Variants in ANXA7 observed in about 807,000 individuals in gnomAD.
ANXA7 encodes the protein annexin VII.
Under a neutral mutation model 64.9 loss-of-function variants are expected in ANXA7, and 55 were observed. The observed-to-expected ratio is 0.85, with a 90% CI of 0.68 to 1.06. The LOEUF (loss-of-function observed/expected upper bound fraction) is 1.06. Ranked by LOEUF, ANXA7 falls within the 50% of genes least tolerant of loss-of-function variation. ANXA7 has a pLI of 0.00. For synonymous variants in ANXA7, 200 were observed against 192.4 expected (o/e 1.04, Z -0.33); for missense variants, 548 against 582.1 (o/e 0.94, Z 0.60).
chr10:73,378,871 A>G lies in ANXA7; in HGVS notation c.1278+40T>C, dbSNP rs149475037. 4.6e-5 allele frequency: 68 copies of G among 1,470,130 alleles called. No individual in the cohort carries two copies. The African/African-American group carries it at 8.5e-4, about 18-fold the overall frequency. 91.1% of individuals were successfully genotyped at this position (1,470,130 alleles called of 1,614,324 possible). Reference sequence around the variant, plus strand: ...AACTTTTAAGAAATCAACATTGAACATCAAGTAAGACCCGACAAAAAGAGA... The same window carrying G: ...AACTTTTAAGAAATCAACATTGAACGTCAAGTAAGACCCGACAAAAAGAGA... On this transcript the variant is annotated intron_variant, in intron 12 of 12. Transcript: ENST00000372921.
intron 9 of ANXA7, chr10:73,381,318 T>C (rs2055271482): frequency 1.3e-5 from 2 of 152,204 alleles, no homozygotes; most frequent in Admixed American, 1.3e-4. Context: ...CTGTGCCTAT[T>C]TGTATACCAC....
intron 7 of ANXA7, among the ~76,000 whole-genome samples, chr10:73,385,637 T>C (rs1836996996): frequency 1.3e-5 from 2 of 152,198 alleles, no homozygotes; most frequent in Non-Finnish European, 1.5e-5. Flanking sequence ...ATTAGATTGT[T>C]AGTTTTAATT....
Position 73,413,148 on chromosome 10 carries a change from C to T in ANXA7, c.-2+864G>A, listed in dbSNP as rs535906793. ...CTGCACGGACAGGTAGGTAGCCAAC[C>T]ACCAGTGAGGACTGAAAGACAGTCC... On this transcript the variant is annotated intron_variant, in intron 1 of 12. Transcript: ENST00000372921. Among the ~76,000 whole-genome samples, 30 of 152,210 alleles carry T rather than the reference C, an allele frequency of 2.0e-4. No homozygotes were observed. The South Asian group carries it at 6.2e-3, about 32-fold the overall frequency.
chr10:73,385,331 T>C (rs1343282197), intron 7 of ANXA7, among the ~76,000 whole-genome samples: 1 of 152,152 alleles, frequency 6.6e-6, no homozygotes, highest in Non-Finnish European at 1.5e-5. Context: ...ACAAAGAAGC[T>C]ATAGATGAAA....
chr10:73,401,003 T>A (rs763508555), intron 1 of ANXA7, 146 bp from the exon 2 acceptor site: 7 of 477,028 alleles, frequency 1.5e-5, no homozygotes, highest in Non-Finnish European at 2.6e-5. Context: ...GCCTCCGGGT[T>A]CAAGCGATTC....
chr10:73,378,918 C>A lies in ANXA7; in HGVS notation c.1271G>T (p.Arg424Leu). 1.9e-6 allele frequency: 3 copies of A among 1,612,386 alleles called. No homozygotes were observed. Among genetic ancestry groups the A allele is most frequent in the African/African-American group, 1.3e-5 (1 of 74,976 alleles). The change falls in exon 12 of 13, where the codon CGA becomes CTA. Residue 424 changes from arginine to leucine, a missense_variant. By Grantham distance (102) the Arg-to-Leu change is moderately radical. Coordinates refer to ENST00000372921, the MANE Select transcript of ANXA7 (RefSeq NM_001156.5). ...DSTLVRIVVT[R>L]SEIDLVQIKQ... The stretch of plus-strand genomic sequence containing the variant: ...GAGAGAGGCCTGCCTCACCTCACTT[C>A]GAGTGACCACAATCCGGACCAGGGT...
chr10:73,403,195 A>G (rs1475732529), intron 1 of ANXA7, among the ~76,000 whole-genome samples: 1 of 152,170 alleles, frequency 6.6e-6, no homozygotes, highest in Non-Finnish European at 1.5e-5. Context: ...CTTTTTAAAA[A>G]CAACAACATA....
chr10:73,412,337 G>T (rs1422448017), intron 1 of ANXA7, among the ~76,000 whole-genome samples: 3 of 151,614 alleles, frequency 2.0e-5, no homozygotes, highest in Non-Finnish European at 2.9e-5. Context: ...GCCCGGCCGA[G>T]ACTTACTTTT....
chr10:73,393,561 T>C (rs890807111), intron 5 of ANXA7, among the ~76,000 whole-genome samples: 6 of 152,234 alleles, frequency 3.9e-5, no homozygotes, highest in African/African-American at 1.4e-4. Flanking sequence ...ACCACACATC[T>C]ACAACCATCT....
At chr10:73,409,820 T>C (rs951251491) in intron 1 of ANXA7, among the ~76,000 whole-genome samples, 2 of 152,136 alleles carry the variant, frequency 1.3e-5, no homozygotes, top group African/African-American at 2.4e-5. Context: ...AGTAGGCACA[T>C]AGACCAATGG....
chr10:73,380,224 T>A (rs1333885446), intron 9 of ANXA7, 23 bp from the exon 10 acceptor site: 1 of 1,589,586 alleles, frequency 6.3e-7, no homozygotes, highest in Non-Finnish European at 8.5e-7. Flanking sequence ...AAGGCAGGAA[T>A]TGGAAGAAAT....
chr10:73,380,269 C>A, intron 9 of ANXA7, 68 bp from the exon 10 acceptor site: 1 of 1,467,452 alleles, frequency 6.8e-7, no homozygotes, highest in Admixed American at 2.1e-5. Context: ...TTTTTCCAAT[C>A]TAGTTCACTT....
intron 2 of ANXA7, among the ~76,000 whole-genome samples, chr10:73,400,077 A>G (rs1213396850): frequency 6.6e-6 from 1 of 151,942 alleles, no homozygotes; most frequent in Non-Finnish European, 1.5e-5. Flanking sequence ...CAGGAGGCAT[A>G]AGTTGCAGTG....
chr10:73,381,883 CT>C (rs748004145), intron 9 of ANXA7, among the ~76,000 whole-genome samples: 521 of 145,108 alleles, frequency 3.6e-3, no homozygotes, highest in Non-Finnish European at 4.3e-3. Flanking sequence ...AGCTACCTCC[CT>C]TTTTTTTTTT....
intron 12 of ANXA7, 127 bp from the exon 13 acceptor site, chr10:73,376,344 A>G: frequency 1.1e-6 from 1 of 886,378 alleles, no homozygotes; most frequent in Non-Finnish European, 1.6e-6. Flanking sequence ...AGTGACTGAC[A>G]TTTTATGGCT....
intron 9 of ANXA7, 82 bp from the exon 10 acceptor site, chr10:73,380,283 G>T: frequency 7.4e-7 from 1 of 1,357,424 alleles, no homozygotes; most frequent in Non-Finnish European, 1.0e-6. Context: ...TTCACTTTTG[G>T]ATTTAAAGAG....
At chr10:73,390,808 C>T (rs1477142579) in intron 5 of ANXA7, among the ~76,000 whole-genome samples, 1 of 149,264 alleles carries the variant, frequency 6.7e-6, no homozygotes. Context: ...TATTCTCTGC[C>T]GAAAGTCTAA....
At chr10:73,388,573 C>A (rs1356524458) in intron 5 of ANXA7, among the ~76,000 whole-genome samples, 159 bp from the exon 6 acceptor site, 4 of 152,172 alleles carry the variant, frequency 2.6e-5, no homozygotes, top group Non-Finnish European at 5.9e-5. Flanking sequence ...CATTATGGAA[C>A]AGACAGGAAA....
chr10:73,379,710 C>A lies in ANXA7; in HGVS notation c.1165+169G>T, dbSNP rs543788836. The A allele has an allele frequency of 8.9e-6, 6 of 674,882 alleles. No homozygotes were observed. In the African/African-American group the frequency reaches 9.0e-5, roughly 10 times the overall value. 41.8% of individuals were successfully genotyped at this position (674,882 alleles called of 1,614,324 possible). On this transcript the variant is annotated intron_variant, in intron 11 of 12. Coordinates refer to ENST00000372921, the MANE Select transcript of ANXA7 (RefSeq NM_001156.5). Reference sequence around the variant, plus strand: ...AAAAACACAGGACTGTTTCTGGGGGCTTATCCAATAAAGAAAACAAACAAC... The same window carrying A: ...AAAAACACAGGACTGTTTCTGGGGGATTATCCAATAAAGAAAACAAACAAC...
Sources: gnomAD v4.1 joint callset for allele counts (sites outside exome capture counted in the v4.1 genomes callset) on GRCh38, gnomAD v4.1.1 for gene constraint, MANE v1.5 for transcripts, NCBI Gene and HGNC (gene_info 2026-07-23, HGNC 2026-07-21) for gene names.